GPM6A: variants seen among roughly 807,000 people sequenced by gnomAD.
The protein encoded by GPM6A is glycoprotein M6A.
In GPM6A, 7 loss-of-function variants were observed where a neutral mutation model predicts 32.1. The observed-to-expected ratio is 0.22, with a 90% CI of 0.12 to 0.41. GPM6A has a LOEUF of 0.41. Among genes scored for constraint, GPM6A ranks in the 10% least tolerant of loss-of-function variants. GPM6A has a pLI of 1.00. For synonymous variants in GPM6A, 130 were observed against 123.4 expected (o/e 1.05, Z -0.35); for missense variants, 235 against 347.2 (o/e 0.68, Z 2.57).
intron 1 of GPM6A, among the ~76,000 whole-genome samples, chr4:175,764,327 T>TAC (rs752140454): frequency 2.6e-5 from 4 of 152,236 alleles, no homozygotes; most frequent in Non-Finnish European, 4.4e-5. Context: ...TTTATCCATG[T>TAC]TGTAGCATGT....
rs1393788878 is a variant in GPM6A at position 175,637,082 on chromosome 4, CATATA to C, written c.685-2030_685-2026del. Among the ~76,000 whole-genome samples, 48 of 86,694 alleles carry C rather than the reference CATATA, an allele frequency of 5.5e-4. No homozygotes were observed. The East Asian group carries it at 9.2e-3, about 17-fold the overall frequency. 56.9% of individuals were successfully genotyped at this position (86,694 alleles called of 152,430 possible). On this transcript the variant is annotated intron_variant, in intron 6 of 6. Coordinates refer to ENST00000393658, the MANE Select transcript of GPM6A (RefSeq NM_201591.3). Reference sequence around the variant, plus strand: ...ATATTTGTAATATAAAAATATATAACATATAATATATCATATATAATATATTATAT... The same window carrying C: ...ATATTTGTAATATAAAAATATATAACATATATCATATATAATATATTATAT...
chr4:175,802,230 T>C (rs779466436), intron 1 of GPM6A, among the ~76,000 whole-genome samples: 1 of 152,134 alleles, frequency 6.6e-6, no homozygotes, highest in African/African-American at 2.4e-5. Context: ...AAACATGAAG[T>C]TATTTCAGTT....
rs182828863 is a variant in GPM6A, at chr4:175,764,726, A to T, written c.37+47465T>A. On this transcript the variant is annotated intron_variant, in intron 1 of 6. Transcript: ENST00000393658. ...CTACCTCCTTGACATATTGATTGGG[A>T]TATCTGGTATACATCTCAAACTTAA... 2.6e-5 allele frequency among the ~76,000 whole-genome samples: 4 copies of T among 152,114 alleles called. No individual in the cohort carries two copies. In the East Asian group the frequency reaches 7.7e-4, roughly 29 times the overall value.
intron 1 of GPM6A, among the ~76,000 whole-genome samples, chr4:175,904,457 C>T (rs969292078): frequency 6.6e-6 from 1 of 152,072 alleles, no homozygotes; most frequent in Non-Finnish European, 1.5e-5. Flanking sequence ...CATATATATA[C>T]ACACACATAC....
intron 1 of GPM6A, among the ~76,000 whole-genome samples, chr4:175,836,961 C>T (rs946043841): frequency 6.6e-6 from 1 of 152,148 alleles, no homozygotes; most frequent in Admixed American, 6.6e-5. Flanking sequence ...TATTACTTCA[C>T]ATAGCAAGAG....
chr4:175,979,506 T>C (rs998461244), intron 1 of GPM6A, among the ~76,000 whole-genome samples: 2 of 152,210 alleles, frequency 1.3e-5, no homozygotes, highest in African/African-American at 4.8e-5. Flanking sequence ...TGGTTTTTTG[T>C]CCTTGCGATA....
Position 175,634,201 on chromosome 4 carries a change from A to T in GPM6A, c.*704T>A, listed in dbSNP as rs1163278092. On this transcript the variant is annotated 3_prime_UTR_variant, in exon 7 of 7. Transcript: ENST00000393658. ...AGGCAACTAGCCATGCATTAGCATTACTGTTTCTACATGCTCACAACATAA... is the reference window on the plus strand; with the variant it reads ...AGGCAACTAGCCATGCATTAGCATTTCTGTTTCTACATGCTCACAACATAA... The T allele has an allele frequency of 6.6e-6, 1 of 152,590 alleles. No individual in the cohort carries two copies. The allele number at this position is 152,590 out of a possible 1,614,324, so 9.5% of individuals were successfully genotyped here.
intron 3 of GPM6A, among the ~76,000 whole-genome samples, chr4:175,668,089 C>A (rs1186665054): frequency 6.6e-6 from 1 of 152,078 alleles, no homozygotes; most frequent in African/African-American, 2.4e-5. Context: ...CCTTATGAGA[C>A]TAGCAGAAAA....
intron 1 of GPM6A, among the ~76,000 whole-genome samples, chr4:175,975,075 AC>A (rs2126430558): frequency 6.6e-6 from 1 of 152,294 alleles, no homozygotes; most frequent in East Asian, 1.9e-4. Flanking sequence ...CCTCTCTAAT[AC>A]AACAAGCTAG....
chr4:175,763,297 C>T (rs1218633553), intron 1 of GPM6A, among the ~76,000 whole-genome samples: 1 of 152,156 alleles, frequency 6.6e-6, no homozygotes, highest in African/African-American at 2.4e-5. Flanking sequence ...CAGGCATGAG[C>T]CACTGTGCCT....
intron 1 of GPM6A, among the ~76,000 whole-genome samples, chr4:175,936,332 A>AAAAAAAAAAAAAAAAT: frequency 6.7e-6 from 1 of 149,654 alleles, no homozygotes; most frequent in Non-Finnish European, 1.5e-5. Flanking sequence ...AAAAAAAAAA[A>AAAAAAAAAAAAAAAAT]AAAACTATAC....
chr4:175,715,695 AT>A (rs1241429869), intron 1 of GPM6A, among the ~76,000 whole-genome samples: 1 of 151,574 alleles, frequency 6.6e-6, no homozygotes, highest in Non-Finnish European at 1.5e-5. Context: ...TCACCATGCA[AT>A]GTACTGTTTA....
At chr4:175,934,117 A>T (rs1266526230) in intron 1 of GPM6A, among the ~76,000 whole-genome samples, 1 of 152,222 alleles carries the variant, frequency 6.6e-6, no homozygotes, top group Non-Finnish European at 1.5e-5. Flanking sequence ...CCAGCAAAGA[A>T]TAAAAGGGTT....
At chr4:175,686,417 C>A (rs1340197035) in intron 2 of GPM6A, among the ~76,000 whole-genome samples, 1 of 152,170 alleles carries the variant, frequency 6.6e-6, no homozygotes, top group Non-Finnish European at 1.5e-5. Flanking sequence ...AAAATCTTGA[C>A]AGGAGAAGCT....
At chr4:175,709,759 T>TAAA (rs927454412) in intron 1 of GPM6A, among the ~76,000 whole-genome samples, 2 of 151,774 alleles carry the variant, frequency 1.3e-5, no homozygotes, top group African/African-American at 4.8e-5. Context: ...TTCAATGACT[T>TAAA]AAAACATCAC....
At chr4:175,709,423 T>A (rs1023819914) in intron 1 of GPM6A, among the ~76,000 whole-genome samples, 2 of 151,902 alleles carry the variant, frequency 1.3e-5, no homozygotes, top group South Asian at 4.2e-4. Flanking sequence ...TGTTTTACAC[T>A]CTTTGTTTGC....
chr4:175,870,951 T>G (rs1200830767), intron 1 of GPM6A, among the ~76,000 whole-genome samples: 1 of 152,086 alleles, frequency 6.6e-6, no homozygotes, highest in Non-Finnish European at 1.5e-5. Flanking sequence ...TAGGAAAGAT[T>G]CAATAAATGT....
chr4:175,945,614 A>C (rs1384266557), intron 1 of GPM6A, among the ~76,000 whole-genome samples: 1 of 151,606 alleles, frequency 6.6e-6, no homozygotes, highest in Non-Finnish European at 1.5e-5. Flanking sequence ...AACTTATAAG[A>C]AACATGTTAT....
At chr4:175,655,410 C>T (rs1021860118) in intron 3 of GPM6A, among the ~76,000 whole-genome samples, 10 of 151,682 alleles carry the variant, frequency 6.6e-5, no homozygotes, top group African/African-American at 2.2e-4. Flanking sequence ...ATTGATTATG[C>T]GTAATCCTAC....
Sources: gnomAD v4.1 joint callset for allele counts (sites outside exome capture counted in the v4.1 genomes callset) on GRCh38, gnomAD v4.1.1 for gene constraint, MANE v1.5 for transcripts, NCBI Gene and HGNC (gene_info 2026-07-23, HGNC 2026-07-21) for gene names.